The following DIAPH3 variants were observed in gnomAD, a reference collection of about 807,000 sequenced individuals.
DIAPH3 encodes protein diaphanous homolog 3.
DIAPH3 carries 117 observed loss-of-function variants against 144.3 expected under a neutral mutation model. The observed-to-expected ratio is 0.81, with a 90% CI of 0.70 to 0.95. DIAPH3 has a LOEUF of 0.95. Among genes scored for constraint, DIAPH3 ranks in the 40% least tolerant of loss-of-function variants. The pLI, the probability that DIAPH3 is intolerant of heterozygous loss-of-function variation, is 0.00. For synonymous variants in DIAPH3, 519 were observed against 488.9 expected (o/e 1.06, Z -0.81); for missense variants, 1,421 against 1,412.7 (o/e 1.01, Z -0.09).
At chr13:59,991,375 AG>A (rs1305095975) in intron 11 of DIAPH3, 101 bp from the exon 12 acceptor site, 2 of 822,080 alleles carry the variant, frequency 2.4e-6, no homozygotes, top group African/African-American at 3.4e-5. Flanking sequence ...ACTGTAATAC[AG>A]GCATCTTATA....
chr13:60,018,187 G>T (rs1398375244), intron 5 of DIAPH3, among the ~76,000 whole-genome samples: 1 of 152,086 alleles, frequency 6.6e-6, no homozygotes, highest in African/African-American at 2.4e-5. Flanking sequence ...CAAAAGTATA[G>T]CCACAAAGAT....
chr13:59,728,776 T>C (rs541495430), intron 27 of DIAPH3, among the ~76,000 whole-genome samples: 40 of 152,260 alleles, frequency 2.6e-4, no homozygotes, highest in Admixed American at 9.8e-4. Flanking sequence ...AGTATTGATA[T>C]TTAATGGAAA....
intron 23 of DIAPH3, among the ~76,000 whole-genome samples, chr13:59,835,726 ACT>A (rs2042013770): frequency 6.6e-6 from 1 of 151,560 alleles, no homozygotes; most frequent in Admixed American, 6.6e-5. Context: ...CCCACTTCCC[ACT>A]CTTACAACTG....
chr13:60,138,748 C>T (rs901673056), intron 1 of DIAPH3, among the ~76,000 whole-genome samples: 2 of 89,616 alleles, frequency 2.2e-5, no homozygotes, highest in African/African-American at 7.8e-5. Context: ...AGGTTACTAA[C>T]AGGAAGGAAG....
rs2051887725 is a variant in DIAPH3, at chr13:59,992,457, A to G, written c.1125+16T>C. 6.3e-7 allele frequency: 1 copy of G among 1,580,596 alleles called. No homozygotes were observed. Among genetic ancestry groups the G allele is most frequent in the Non-Finnish European group, 8.7e-7 (1 of 1,152,504 alleles). ...TTTTAATTTAAATATTAATAAGGAGACTGCAGGGCACTTACTGGCAATATC... is the reference window on the plus strand; with the variant it reads ...TTTTAATTTAAATATTAATAAGGAGGCTGCAGGGCACTTACTGGCAATATC... On this transcript the variant is annotated intron_variant, in intron 10 of 27. Coordinates refer to ENST00000400324, the MANE Select transcript of DIAPH3 (RefSeq NM_001042517.2).
intron 4 of DIAPH3, among the ~76,000 whole-genome samples, chr13:60,047,859 C>T (rs138263650): frequency 8.1e-4 from 123 of 152,234 alleles, no homozygotes; most frequent in African/African-American, 2.8e-3. Flanking sequence ...ATTTGCAATA[C>T]AGTTAAGAAC....
intron 24 of DIAPH3, among the ~76,000 whole-genome samples, chr13:59,811,971 T>C (rs2040501169): frequency 6.6e-6 from 1 of 152,036 alleles, no homozygotes; most frequent in African/African-American, 2.4e-5. Context: ...AGAGTAACAT[T>C]ATATTAAACA....
chr13:60,111,773 A>G (rs2058575622), intron 3 of DIAPH3, among the ~76,000 whole-genome samples: 1 of 152,190 alleles, frequency 6.6e-6, no homozygotes, highest in Non-Finnish European at 1.5e-5. Context: ...ATACCGTTCG[A>G]TACTTTGGAG....
At chr13:60,136,209 A>G (rs145364641) in intron 1 of DIAPH3, among the ~76,000 whole-genome samples, 154 of 152,318 alleles carry the variant, frequency 1.0e-3, no homozygotes, top group African/African-American at 3.6e-3. Context: ...ACTTTGTAAC[A>G]CAAAAATATT....
intron 24 of DIAPH3, among the ~76,000 whole-genome samples, chr13:59,816,664 T>C (rs1229398816): frequency 6.6e-6 from 1 of 151,862 alleles, no homozygotes; most frequent in Non-Finnish European, 1.5e-5. Flanking sequence ...ATAAATCCTT[T>C]TTAAATTTCT....
intron 25 of DIAPH3, among the ~76,000 whole-genome samples, chr13:59,780,849 G>T (rs2038698573): frequency 6.6e-6 from 1 of 152,166 alleles, no homozygotes; most frequent in African/African-American, 2.4e-5. Flanking sequence ...GGTGCTAGCA[G>T]GGACCTCCAG....
At chr13:59,740,638 T>G (rs1032935125) in intron 27 of DIAPH3, among the ~76,000 whole-genome samples, 2 of 152,180 alleles carry the variant, frequency 1.3e-5, no homozygotes, top group African/African-American at 4.8e-5. Context: ...CAAACTTAAT[T>G]TTAACTTAGG....
chr13:59,915,099 A>G (rs1319373206), intron 19 of DIAPH3, among the ~76,000 whole-genome samples: 1 of 152,176 alleles, frequency 6.6e-6, no homozygotes. Flanking sequence ...TATAAGAAAT[A>G]CAAACAAGTA....
At chr13:59,978,937 G>A (rs977331990) in intron 14 of DIAPH3, among the ~76,000 whole-genome samples, 2 of 151,552 alleles carry the variant, frequency 1.3e-5, no homozygotes, top group African/African-American at 4.8e-5. Flanking sequence ...GACATTTCTG[G>A]TCTTCATTTT....
intron 27 of DIAPH3, among the ~76,000 whole-genome samples, chr13:59,740,486 G>C (rs949408853): frequency 6.6e-6 from 1 of 152,156 alleles, no homozygotes; most frequent in Non-Finnish European, 1.5e-5. Context: ...GATAGCACTG[G>C]TGACATTTAA....
intron 20 of DIAPH3, among the ~76,000 whole-genome samples, chr13:59,898,463 T>C (rs781058233): frequency 6.6e-5 from 10 of 152,208 alleles, no homozygotes; most frequent in Non-Finnish European, 1.5e-4. Flanking sequence ...AAGTTTTTTT[T>C]AACCCAGATT....
At chr13:59,980,403 C>T (rs916056711) in intron 14 of DIAPH3, among the ~76,000 whole-genome samples, 9 of 151,554 alleles carry the variant, frequency 5.9e-5, no homozygotes, top group Admixed American at 2.0e-4. Context: ...CCATCATCCA[C>T]TCATTCAAAA....
chr13:59,714,210 A>C (rs976372276), intron 27 of DIAPH3, among the ~76,000 whole-genome samples: 18 of 151,382 alleles, frequency 1.2e-4, no homozygotes, highest in Non-Finnish European at 1.3e-4. Context: ...AATACAAAAA[A>C]TTAGCCGGGC....
At chr13:59,798,939 G>C (rs2039751449) in intron 25 of DIAPH3, among the ~76,000 whole-genome samples, 1 of 152,130 alleles carries the variant, frequency 6.6e-6, no homozygotes, top group Non-Finnish European at 1.5e-5. Flanking sequence ...AACAAGATTA[G>C]GGTACAAGAA....
Sources: gnomAD v4.1 joint callset for allele counts (sites outside exome capture counted in the v4.1 genomes callset) on GRCh38, gnomAD v4.1.1 for gene constraint, MANE v1.5 for transcripts, NCBI Gene and HGNC (gene_info 2026-07-23, HGNC 2026-07-21) for gene names.